The following ERC2 variants were observed in gnomAD, a reference collection of about 807,000 sequenced individuals.
ERC2 encodes the protein ERC protein 2.
A neutral mutation model predicts 114.8 loss-of-function variants in ERC2; 42 were observed. The observed-to-expected ratio is 0.37, with a 90% CI of 0.29 to 0.47. ERC2 has a LOEUF of 0.47. Among genes scored for constraint, ERC2 ranks in the 20% least tolerant of loss-of-function variants. The pLI, the probability that ERC2 is intolerant of heterozygous loss-of-function variation, is 0.99. For synonymous variants in ERC2, 454 were observed against 425.5 expected (o/e 1.07, Z -0.82); for missense variants, 939 against 1,150.7 (o/e 0.82, Z 2.66).
intron 3 of ERC2, among the ~76,000 whole-genome samples, chr3:56,286,439 A>AAG (rs2054719934): frequency 6.9e-6 from 1 of 145,452 alleles, no homozygotes; most frequent in Non-Finnish European, 1.5e-5. Flanking sequence ...AAAAAAAAAA[A>AAG]GGCAGAAAAA....
At chr3:56,050,024 C>T (rs148923152) in intron 7 of ERC2, among the ~76,000 whole-genome samples, 12 of 152,134 alleles carry the variant, frequency 7.9e-5, no homozygotes, top group Non-Finnish European at 1.3e-4. Context: ...ACTATTGGGA[C>T]GAAGGAGCAG....
intron 17 of ERC2, among the ~76,000 whole-genome samples, chr3:55,593,558 G>C (rs1168533679): frequency 1.3e-5 from 2 of 152,082 alleles, no homozygotes; most frequent in African/African-American, 2.4e-5. Flanking sequence ...TTTCATTAGA[G>C]ATCTCACTTT....
chr3:55,857,493 G>A lies in ERC2; in HGVS notation c.2564+30896C>T, dbSNP rs146875970. ...TGGCATCAATCACATTCATAGTGTT[G>A]TACAACCACCACTATTATCTAAAAC... is the stretch of plus-strand genomic sequence containing the variant. On this transcript the variant is annotated intron_variant, in intron 14 of 17. Transcript: ENST00000288221. 2.7e-4 allele frequency among the ~76,000 whole-genome samples: 41 copies of A among 152,062 alleles called. No individual in the cohort carries two copies. In the East Asian group the frequency reaches 7.6e-3, roughly 28 times the overall value.
chr3:56,300,280 CAA>C (rs200816892), intron 2 of ERC2, among the ~76,000 whole-genome samples: 101 of 93,142 alleles, frequency 1.1e-3, no homozygotes, highest in East Asian at 4.9e-3. Context: ...TCATGAAATA[CAA>C]AAAAAAAAAA....
At chr3:55,739,606 G>GT (rs931780575) in intron 14 of ERC2, among the ~76,000 whole-genome samples, 17 of 151,400 alleles carry the variant, frequency 1.1e-4, no homozygotes, top group Non-Finnish European at 1.9e-4. Context: ...TTGTGGGGTT[G>GT]TTTTTTTTCT....
chr3:56,138,758 TG>T (rs2080672899), intron 6 of ERC2, among the ~76,000 whole-genome samples: 1 of 152,240 alleles, frequency 6.6e-6, no homozygotes, highest in African/African-American at 2.4e-5. Context: ...CCCTATTGCC[TG>T]CTGCATTTGA....
intron 14 of ERC2, among the ~76,000 whole-genome samples, chr3:55,806,158 A>C (rs1360193803): frequency 6.6e-6 from 1 of 152,024 alleles, no homozygotes; most frequent in East Asian, 1.9e-4. Context: ...AACATGGTGA[A>C]ACCCTGTCTC....
At chr3:56,381,204 T>C (rs1560712463) in intron 2 of ERC2, among the ~76,000 whole-genome samples, 1 of 152,192 alleles carries the variant, frequency 6.6e-6, no homozygotes, top group Non-Finnish European at 1.5e-5. Flanking sequence ...TTCTTATAAC[T>C]TCATTGTCAA....
intron 3 of ERC2, among the ~76,000 whole-genome samples, chr3:56,245,754 G>C (rs1045039394): frequency 2.0e-5 from 3 of 151,904 alleles, no homozygotes; most frequent in Admixed American, 2.0e-4. Context: ...ATGTTGGTCA[G>C]GCTGGTCTAG....
chr3:55,991,916 T>C (rs2071086381), intron 11 of ERC2, 141 bp downstream of exon 11: 2 of 701,456 alleles, frequency 2.9e-6, no homozygotes, highest in Non-Finnish European at 4.7e-6. Flanking sequence ...ACGTCATCTT[T>C]CACAGGCCAT....
At chr3:55,777,644 G>A (rs181863008) in intron 14 of ERC2, among the ~76,000 whole-genome samples, 1 of 152,240 alleles carries the variant, frequency 6.6e-6, no homozygotes, top group Non-Finnish European at 1.5e-5. Flanking sequence ...TTGATTTATT[G>A]TAAATTTCCT....
At chr3:55,803,305 TA>T (rs1244952794) in intron 14 of ERC2, among the ~76,000 whole-genome samples, 1 of 152,228 alleles carries the variant, frequency 6.6e-6, no homozygotes, top group Non-Finnish European at 1.5e-5. Context: ...AAATAAGTGA[TA>T]TTTTTCTCCC....
At chr3:56,011,840 G>A (rs1338138370) in intron 8 of ERC2, among the ~76,000 whole-genome samples, 5 of 152,016 alleles carry the variant, frequency 3.3e-5, no homozygotes, top group Non-Finnish European at 5.9e-5. Flanking sequence ...TAAGACAACT[G>A]TAAAATAGTA....
chr3:56,311,230 CTTCTCTCTCTCTCT>C (rs1179593090), intron 2 of ERC2, among the ~76,000 whole-genome samples: 15 of 29,230 alleles, frequency 5.1e-4, no homozygotes, highest in African/African-American at 1.5e-3. Flanking sequence ...TATCCATCAT[CTTCTCTCTCTCTCT>C]CTCTCTCTCT....
chr3:56,063,070 G>A (rs2149710626), intron 7 of ERC2, among the ~76,000 whole-genome samples: 1 of 152,296 alleles, frequency 6.6e-6, no homozygotes, highest in South Asian at 2.1e-4. Context: ...CTACAACATG[G>A]ATGAGTTTCA....
intron 3 of ERC2, among the ~76,000 whole-genome samples, chr3:56,227,910 A>AT (rs1335782357): frequency 3.2e-4 from 49 of 152,366 alleles, no homozygotes; most frequent in African/African-American, 1.2e-3. Flanking sequence ...AAGTTGTGGT[A>AT]TATTCACATA....
chr3:56,393,688 A>C (rs569762513), intron 2 of ERC2, among the ~76,000 whole-genome samples: 1 of 152,356 alleles, frequency 6.6e-6, no homozygotes, highest in South Asian at 2.1e-4. Context: ...TTATGGAATG[A>C]ATGAATGAAT....
chr3:55,894,619 C>A (rs2063757670), intron 13 of ERC2, among the ~76,000 whole-genome samples: 3 of 152,120 alleles, frequency 2.0e-5, no homozygotes, highest in East Asian at 3.9e-4. Flanking sequence ...AGAAGGAAAT[C>A]ATGTCCTTTG....
At position 56,108,430 on chromosome 3, in the gene ERC2, A is replaced by G. The variant is rs555490188; in HGVS notation, c.1474-27446T>C. The stretch of plus-strand genomic sequence containing the variant: ...GATAATATTATTTGCCTTAACATAT[A>G]AAGAAAATTTAAATAACCAATAATT... On this transcript the variant is annotated intron_variant, in intron 6 of 17. Transcript: ENST00000288221. Among the ~76,000 whole-genome samples, 24 of 152,292 alleles carry G rather than the reference A, an allele frequency of 1.6e-4. 1 individual carries two copies. The highest frequency in any genetic ancestry group is 5.5e-4 in the African/African-American group (23 of 41,586).
Sources: gnomAD v4.1 joint callset for allele counts (sites outside exome capture counted in the v4.1 genomes callset) on GRCh38, gnomAD v4.1.1 for gene constraint, MANE v1.5 for transcripts, NCBI Gene and HGNC (gene_info 2026-07-23, HGNC 2026-07-21) for gene names.